Variants in STAM observed in about 807,000 individuals in gnomAD.
The protein encoded by STAM is signal transducing adapter molecule 1.
STAM carries 16 observed loss-of-function variants against 63.4 expected under a neutral mutation model. The ratio of observed to expected loss-of-function variants is 0.25; its 90% CI spans 0.17 to 0.38. STAM has a LOEUF of 0.38. STAM is among the 10% of genes least tolerant of loss of function. STAM has a pLI of 1.00. For missense variants in STAM, 636 were observed against 657.1 expected, an observed-to-expected ratio of 0.97 and a Z score of 0.35; for synonymous variants, 238 against 223.9, an observed-to-expected ratio of 1.06 and a Z score of -0.56.
chr10:17,652,198 C>G (rs1434574964), intron 1 of STAM, among the ~76,000 whole-genome samples: 1 of 152,012 alleles, frequency 6.6e-6, no homozygotes, highest in African/African-American at 2.4e-5. Flanking sequence ...GTTTTGACTT[C>G]ATTTGCTATT....
At chr10:17,703,154 A>G (rs1554828756) in intron 9 of STAM, among the ~76,000 whole-genome samples, 1 of 151,982 alleles carries the variant, frequency 6.6e-6, no homozygotes, top group Non-Finnish European at 1.5e-5. Context: ...CAAAACGGAA[A>G]CCATCTGTGT....
intron 1 of STAM, among the ~76,000 whole-genome samples, chr10:17,652,613 G>A (rs1833784546): frequency 6.6e-6 from 1 of 151,892 alleles, no homozygotes; most frequent in Non-Finnish European, 1.5e-5. Context: ...TTTGAATAAG[G>A]TGGCAGGTTT....
At chr10:17,692,176 A>C (rs1554826868) in intron 5 of STAM, among the ~76,000 whole-genome samples, 1 of 151,862 alleles carries the variant, frequency 6.6e-6, no homozygotes, top group East Asian at 1.9e-4. Flanking sequence ...ATCCAGCTAG[A>C]AAGTGGTAGA....
intron 1 of STAM, among the ~76,000 whole-genome samples, chr10:17,659,374 CTA>C (rs1450243731): frequency 2.0e-5 from 3 of 148,882 alleles, no homozygotes; most frequent in Admixed American, 6.7e-5. Flanking sequence ...TTAGAATAAA[CTA>C]TTTTTTGTTA....
intron 12 of STAM, among the ~76,000 whole-genome samples, chr10:17,706,369 C>CAT (rs1564570967): frequency 1.4e-5 from 1 of 70,184 alleles, no homozygotes; most frequent in Non-Finnish European, 2.4e-5. Flanking sequence ...GGTTGAGGCC[C>CAT]TTTTTTTTTT....
intron 2 of STAM, among the ~76,000 whole-genome samples, chr10:17,673,749 G>T (rs1834734185): frequency 1.3e-5 from 2 of 152,212 alleles, no homozygotes; most frequent in African/African-American, 4.8e-5. Flanking sequence ...ACAGACTCTG[G>T]AGTCAGATTG....
At chr10:17,704,289 C>T in intron 9 of STAM, 142 bp from the exon 10 acceptor site, 1 of 639,070 alleles carries the variant, frequency 1.6e-6, no homozygotes, top group East Asian at 2.7e-5. Flanking sequence ...AGAATAAATA[C>T]ATGGGACACT....
At chr10:17,713,115 T>C (rs1836632234) in intron 13 of STAM, among the ~76,000 whole-genome samples, 1 of 152,204 alleles carries the variant, frequency 6.6e-6, no homozygotes, top group African/African-American at 2.4e-5. Context: ...CCTCCTCTTT[T>C]CTGAAATGCT....
chr10:17,672,896 GA>G (rs1834699103), intron 2 of STAM: 2 of 323,376 alleles, frequency 6.2e-6, no homozygotes, highest in Admixed American at 6.5e-5. Context: ...GGAAAACTGG[GA>G]AAAGTGAGAG....
chr10:17,663,611 T>C (rs1220521361), intron 2 of STAM, among the ~76,000 whole-genome samples: 1 of 152,116 alleles, frequency 6.6e-6, no homozygotes, highest in Non-Finnish European at 1.5e-5. Context: ...TTAATAGTTA[T>C]TGCTCTCTGG....
At position 17,685,648 on chromosome 10, in the gene STAM, A is replaced by G. The variant is rs148252630; in HGVS notation, c.297+721A>G. 2.6e-5 allele frequency among the ~76,000 whole-genome samples: 4 copies of G among 152,304 alleles called. No individual in the cohort carries two copies. The East Asian group carries it at 5.8e-4, about 22-fold the overall frequency. On this transcript the variant is annotated intron_variant, in intron 4 of 13. Transcript: ENST00000377524. ...TTTAGTGTTTTGGGCCACAACCTGA[A>G]CAACTTTATCAGTGCCTGAGAATGT... is the stretch of plus-strand genomic sequence containing the variant.
intron 13 of STAM, among the ~76,000 whole-genome samples, chr10:17,711,185 A>C (rs918553284): frequency 6.6e-6 from 1 of 152,144 alleles, no homozygotes; most frequent in Non-Finnish European, 1.5e-5. Flanking sequence ...TGTTACATAA[A>C]ATTTTGGTGT....
chr10:17,714,162 C>T (rs1554830386), intron 13 of STAM, among the ~76,000 whole-genome samples: 1 of 152,132 alleles, frequency 6.6e-6, no homozygotes, highest in African/African-American at 2.4e-5. Flanking sequence ...AACTAGAATC[C>T]CTTGCCCCAG....
intron 9 of STAM, among the ~76,000 whole-genome samples, 167 bp from the exon 10 acceptor site, chr10:17,704,264 C>T (rs1284626586): frequency 6.6e-6 from 1 of 152,138 alleles, no homozygotes; most frequent in Non-Finnish European, 1.5e-5. Context: ...GCTCTGACTT[C>T]ATGCAGTACT....
At chr10:17,703,476 C>T (rs1267892096) in intron 9 of STAM, among the ~76,000 whole-genome samples, 7 of 151,868 alleles carry the variant, frequency 4.6e-5, no homozygotes, top group African/African-American at 1.2e-4. Context: ...ATTTGCCCTG[C>T]GTACCTATAT....
intron 8 of STAM, among the ~76,000 whole-genome samples, chr10:17,698,844 TG>T (rs1483579984): frequency 1.3e-5 from 2 of 152,216 alleles, no homozygotes; most frequent in East Asian, 3.8e-4. Flanking sequence ...TTATGGGTAA[TG>T]GCCAATGCAG....
chr10:17,694,261 T>C (rs1057418283), intron 6 of STAM, among the ~76,000 whole-genome samples: 13 of 152,196 alleles, frequency 8.5e-5, no homozygotes, highest in African/African-American at 3.1e-4. Flanking sequence ...AGGCCAGAGT[T>C]GTTTGCTTTT....
chr10:17,675,672 C>G (rs1367817790), intron 2 of STAM, among the ~76,000 whole-genome samples: 1 of 152,158 alleles, frequency 6.6e-6, no homozygotes, highest in Non-Finnish European at 1.5e-5. Context: ...CTTCATGAAG[C>G]AGGGTCAGTC....
rs782534673 is a variant in STAM, at chr10:17,658,003, G to A, written c.41-2461G>A. 2.1e-4 allele frequency among the ~76,000 whole-genome samples: 32 copies of A among 151,752 alleles called. 2 individuals are homozygous for A. In the Middle Eastern group the frequency reaches 0.02, roughly 97 times the overall value. On this transcript the variant is annotated intron_variant, in intron 1 of 13. Coordinates refer to ENST00000377524, the MANE Select transcript of STAM (RefSeq NM_003473.4). ...TAATTTTTGTTGTTTGTTTTCTTCT[G>A]CTTGCTTAGTTTGGATTTAATTTGC...
Sources: gnomAD v4.1 joint callset for allele counts (sites outside exome capture counted in the v4.1 genomes callset) on GRCh38, gnomAD v4.1.1 for gene constraint, MANE v1.5 for transcripts, NCBI Gene and HGNC (gene_info 2026-07-23, HGNC 2026-07-21) for gene names.